CCDC88A: variants seen among roughly 807,000 people sequenced by gnomAD.
CCDC88A encodes girdin.
In CCDC88A, 54 loss-of-function variants were observed where a neutral mutation model predicts 234.3. That is an observed-to-expected ratio of 0.23 (90% CI 0.19 to 0.29). The LOEUF is 0.29. Among genes scored for constraint, CCDC88A ranks in the 10% least tolerant of loss-of-function variants. The pLI is 1.00. For synonymous variants in CCDC88A, 753 were observed against 737.8 expected (o/e 1.02, Z -0.33); for missense variants, 1,832 against 2,123.4 (o/e 0.86, Z 2.70).
rs561760104 is a variant in CCDC88A, at chr2:55,348,256, C to T, written c.882+1262G>A. On this transcript the variant is annotated intron_variant, in intron 9 of 32. Transcript: ENST00000436346. ...CTAGGATTATAGGCATGAGCCACTGCGCCCAACCCAAGTGACTTAATTTTT... is the reference window on the plus strand; with the variant it reads ...CTAGGATTATAGGCATGAGCCACTGTGCCCAACCCAAGTGACTTAATTTTT... Among the ~76,000 whole-genome samples the T allele has an allele frequency of 2.6e-5, 4 of 151,352 alleles. 1 individual carries two copies. The highest frequency in any genetic ancestry group is 7.3e-5 in the African/African-American group (3 of 41,162).
intron 16 of CCDC88A, chr2:55,329,657 G>C (rs1455350296): frequency 6.6e-6 from 1 of 152,218 alleles, no homozygotes; most frequent in Non-Finnish European, 1.5e-5. Context: ...TAAGAGGCCT[G>C]AAAACATAAT....
chr2:55,390,248 G>C (rs1676431283), intron 2 of CCDC88A, among the ~76,000 whole-genome samples: 1 of 151,962 alleles, frequency 6.6e-6, no homozygotes, highest in South Asian at 2.1e-4. Flanking sequence ...CTTTTGCATT[G>C]AATCCACTGC....
At chr2:55,297,554 G>A (rs1297219217) in intron 29 of CCDC88A, among the ~76,000 whole-genome samples, 1 of 148,170 alleles carries the variant, frequency 6.7e-6, no homozygotes, top group East Asian at 2.0e-4. Context: ...GGGATTACAG[G>A]CATGCGCCCC....
intron 2 of CCDC88A, among the ~76,000 whole-genome samples, chr2:55,393,399 T>C (rs1206589990): frequency 6.7e-6 from 1 of 148,530 alleles, no homozygotes; most frequent in African/African-American, 2.5e-5. Context: ...CAGGTGATTC[T>C]CATGTCTCAG....
In CCDC88A at chr2:55,317,150, T is replaced by G. The variant is rs1459853457; in HGVS notation, c.3746+56A>C. ...TTGAAAAAACATATATATACACATA[T>G]ATATGTATATACTTTCTATATAAAA... On this transcript the variant is annotated intron_variant, in intron 21 of 32. Transcript: ENST00000436346. The surrounding 1 kb of genome is among the most constrained non-coding windows in gnomAD (Gnocchi z 4.2). The G allele has an allele frequency of 5.7e-6, 4 of 706,308 alleles. No homozygotes were observed. The highest frequency in any genetic ancestry group is 1.9e-5 in the African/African-American group (1 of 53,452). The allele number at this position is 706,308 out of a possible 1,614,324, so 43.8% of individuals were successfully genotyped here.
At position 55,328,044 on chromosome 2, in the gene CCDC88A, CCACCCA is replaced by C. The variant is rs1276211346; in HGVS notation, c.2997+244_2997+249del. On this transcript the variant is annotated intron_variant, in intron 17 of 32. Transcript: ENST00000436346. This position sits in a 1 kb window ranked among gnomAD's most constrained non-coding sequence, Gnocchi z 4.3. ...AAAATAAGCCTGCCTCTTCCTCATT[CCACCCA>C]CACACTTCTGATATATCCCTAACAG... is the stretch of plus-strand genomic sequence containing the variant. Among the ~76,000 whole-genome samples, 1 of 152,160 alleles carries C rather than the reference CCACCCA, an allele frequency of 6.6e-6. No homozygotes were observed. The highest frequency in any genetic ancestry group is 1.5e-5 in the Non-Finnish European group (1 of 68,022).
chr2:55,327,325 T>C (rs1301565391), intron 17 of CCDC88A, among the ~76,000 whole-genome samples: 3 of 152,200 alleles, frequency 2.0e-5, no homozygotes, highest in Non-Finnish European at 4.4e-5. Context: ...TGAACTTCTC[T>C]GAGTACAGCA....
chr2:55,366,363 T>A (rs1282176340), intron 5 of CCDC88A, among the ~76,000 whole-genome samples: 1 of 151,892 alleles, frequency 6.6e-6, no homozygotes, highest in East Asian at 1.9e-4. Flanking sequence ...CTGTCTCTAT[T>A]AAAAATACAA....
Position 55,334,668 on chromosome 2 carries a change from A to G in CCDC88A, c.2153T>C (p.Met718Thr). The change falls in exon 15 of 33, where the codon ATG (methionine) becomes ACG (threonine). Residue 718 changes from methionine (M) to threonine (T), a missense_variant. By Grantham distance (81) the Met-to-Thr change is moderately conservative. Coordinates refer to ENST00000436346, the MANE Select transcript of CCDC88A (RefSeq NM_001365480.1). This position sits in a 1 kb window ranked among gnomAD's most constrained non-coding sequence, Gnocchi z 6.1. Reference sequence around the variant, plus strand: ...TTCTAGCTGTAGCTGAGCCATTTTCATGCTTGCACACTTCAAAGATTCTAC... The same window carrying G: ...TTCTAGCTGTAGCTGAGCCATTTTCGTGCTTGCACACTTCAAAGATTCTAC... ...RNVESLKCAS[M>T]KMAQLQLENK... is the part of the protein sequence containing the mutation. 1 of 1,613,766 alleles carries G rather than the reference A, an allele frequency of 6.2e-7. No individual in the cohort carries two copies. The highest frequency in any genetic ancestry group is 8.5e-7 in the Non-Finnish European group (1 of 1,179,860).
Position 55,317,481 on chromosome 2 carries a change from A to T in CCDC88A, c.3602+83T>A. The T allele has an allele frequency of 8.8e-7, 1 of 1,138,284 alleles. No individual in the cohort carries two copies. Among genetic ancestry groups the T allele is most frequent in the Non-Finnish European group, 1.2e-6 (1 of 830,232 alleles). The allele number at this position is 1,138,284 out of a possible 1,614,324, so 70.5% of individuals were successfully genotyped here. A position where few individuals can be genotyped will look rare whatever the true frequency, so the allele number is the denominator to read the frequency against. ...AATTTCTTATGTAAACTAACATTAG[A>T]TGTGTTTAATATATAAAATTTATTA... On this transcript the variant is annotated intron_variant, in intron 20 of 32. Coordinates refer to ENST00000436346, the MANE Select transcript of CCDC88A (RefSeq NM_001365480.1). This position sits in a 1 kb window ranked among gnomAD's most constrained non-coding sequence, Gnocchi z 4.2.
chr2:55,351,210 A>C (rs1669839799), intron 8 of CCDC88A, among the ~76,000 whole-genome samples: 1 of 152,216 alleles, frequency 6.6e-6, no homozygotes, highest in South Asian at 2.1e-4. Context: ...AACTGGGACT[A>C]CAAGTGCACA....
chr2:55,399,389 C>T (rs1179754897), intron 2 of CCDC88A, among the ~76,000 whole-genome samples: 2 of 151,422 alleles, frequency 1.3e-5, no homozygotes, highest in Non-Finnish European at 2.9e-5. Flanking sequence ...ATTAGCTGGG[C>T]GTGGTGGTGG....
At chr2:55,364,484 T>C (rs961462952) in intron 5 of CCDC88A, among the ~76,000 whole-genome samples, 4 of 152,054 alleles carry the variant, frequency 2.6e-5, no homozygotes, top group African/African-American at 9.6e-5. Flanking sequence ...AAAAAAAATT[T>C]AAGCAATTTT....
At chr2:55,355,067 T>C (rs2589106) in intron 8 of CCDC88A, among the ~76,000 whole-genome samples, 62,319 of 150,554 alleles carry the variant, frequency 0.41, 13,654 homozygotes, top group East Asian at 0.85. Context: ...GAAATGTCGT[T>C]ATGTGGCACA....
In CCDC88A at chr2:55,388,688, G is replaced by A. The variant is rs1261502440; in HGVS notation, c.273+90C>T. 7 of 611,676 alleles carry A rather than the reference G, an allele frequency of 1.1e-5. No homozygotes were observed. The Admixed American group carries it at 1.6e-4, about 14-fold the overall frequency. The allele number at this position is 611,676 out of a possible 1,614,324, so 37.9% of individuals were successfully genotyped here. ...TAGATCAGAACCTAGCATATAATAA[G>A]CGTTTAAATATTTGTGAGATGACTG... On this transcript the variant is annotated intron_variant, in intron 3 of 32. Coordinates refer to ENST00000436346, the MANE Select transcript of CCDC88A (RefSeq NM_001365480.1).
Position 55,336,766 on chromosome 2 carries a change from C to A in CCDC88A, c.1571G>T (p.Cys524Phe). ...IVQEKQSLQN[C>F]QNLSKDLMKE... The stretch of plus-strand genomic sequence containing the variant: ...CATTAGATCCTTGCTTAAATTCTGA[C>A]AATTCTGAAGACTTTGCTTTTCTTG... Residue 524 changes from cysteine to phenylalanine, a missense_variant, in exon 14 of 33, where the codon TGT (cysteine) becomes TTT (phenylalanine). Transcript: ENST00000436346. 1 of 1,586,828 alleles carries A rather than the reference C, an allele frequency of 6.3e-7. No homozygotes were observed. Among genetic ancestry groups the A allele is most frequent in the Non-Finnish European group, 8.6e-7 (1 of 1,161,472 alleles).
intron 31 of CCDC88A, chr2:55,295,025 T>C (rs1679860057): frequency 2.5e-6 from 3 of 1,221,720 alleles, no homozygotes; most frequent in African/African-American, 3.2e-5. Flanking sequence ...AAGCAGTGTA[T>C]ATCAAATAAC....
chr2:55,373,573 G>T (rs141982766), intron 4 of CCDC88A, among the ~76,000 whole-genome samples: 1 of 152,072 alleles, frequency 6.6e-6, no homozygotes, highest in Non-Finnish European at 1.5e-5. Flanking sequence ...CATAATCTGT[G>T]TATCCTTCAC....
intron 2 of CCDC88A, chr2:55,394,670 A>T (rs1230823172): frequency 4.1e-5 from 2 of 49,252 alleles, no homozygotes; most frequent in Non-Finnish European, 3.6e-5. Context: ...GGGTGGGGGG[A>T]GGGGGGAGGG....
Sources: gnomAD v4.1 joint callset for allele counts (sites outside exome capture counted in the v4.1 genomes callset) on GRCh38, gnomAD v4.1.1 for gene constraint, Gnocchi (gnomAD v3.1) non-coding constraint, MANE v1.5 for transcripts, NCBI Gene and HGNC (gene_info 2026-07-23, HGNC 2026-07-21) for gene names.